The following CAPRIN2 variants were observed in gnomAD, a reference collection of about 807,000 sequenced individuals.
CAPRIN2 encodes the protein caprin-2.
Under a neutral mutation model 130.4 loss-of-function variants are expected in CAPRIN2, and 66 were observed. The observed-to-expected ratio is 0.51, with a 90% confidence interval of 0.42 to 0.62. The LOEUF (loss-of-function observed/expected upper bound fraction) is 0.62. Ranked by LOEUF, CAPRIN2 falls within the 20% of genes least tolerant of loss-of-function variation. CAPRIN2 has a pLI of 0.00. For synonymous variants in CAPRIN2, 471 were observed against 444.1 expected, an observed-to-expected ratio of 1.06 and a Z score of -0.76; for missense variants, 1,185 against 1,246.6, an observed-to-expected ratio of 0.95 and a Z score of 0.74.
intron 2 of CAPRIN2, among the ~76,000 whole-genome samples, chr12:30,748,632 C>T (rs1324333067): frequency 6.6e-6 from 1 of 152,098 alleles, no homozygotes; most frequent in East Asian, 1.9e-4. Flanking sequence ...CTGAGGTATG[C>T]CTATACTGGT....
chr12:30,721,326 T>G (rs1374380950), intron 11 of CAPRIN2, among the ~76,000 whole-genome samples: 1 of 149,554 alleles, frequency 6.7e-6, no homozygotes, highest in East Asian at 2.0e-4. Context: ...CGTTTAACAC[T>G]GTAGGCACAG....
chr12:30,730,401 T>C lies in CAPRIN2; in HGVS notation c.1061-119A>G, dbSNP rs2062266605. 3 of 698,198 alleles carry C rather than the reference T, an allele frequency of 4.3e-6. No homozygotes were observed. The South Asian group carries it at 5.5e-5, about 13-fold the overall frequency. 43.3% of individuals were successfully genotyped at this position (698,198 alleles called of 1,614,324 possible). A position where few individuals can be genotyped will look rare whatever the true frequency, so the allele number is the denominator to read the frequency against. On this transcript the variant is annotated intron_variant, in intron 6 of 16. Coordinates refer to ENST00000298892, the Ensembl canonical transcript of CAPRIN2. The stretch of plus-strand genomic sequence containing the variant: ...AAGACTCGTAACAGAAAAAGGGTAA[T>C]ATAATCAAGTATATTGATGGCAAGA...
At chr12:30,753,286 T>C (rs1217396018) in intron 1 of CAPRIN2, 58 bp downstream of exon 2, 2 of 1,418,082 alleles carry the variant, frequency 1.4e-6, no homozygotes, top group Non-Finnish European at 1.9e-6. Flanking sequence ...GAAAGAAAAA[T>C]GTCAGCTCCT....
intron 2 of CAPRIN2, among the ~76,000 whole-genome samples, chr12:30,748,113 C>G (rs2071634006): frequency 6.6e-6 from 1 of 152,152 alleles, no homozygotes; most frequent in Non-Finnish European, 1.5e-5. Context: ...GAAATGACAA[C>G]AAAACCTTTA....
chr12:30,731,541 A>G (rs1434276148), intron 5 of CAPRIN2, 31 bp from the exon 7 acceptor site: 10 of 1,565,900 alleles, frequency 6.4e-6, no homozygotes, highest in Non-Finnish European at 8.7e-6. Context: ...CTTAATTGTC[A>G]CATGACCTAA....
At chr12:30,738,248 T>C (rs146391744) in intron 3 of CAPRIN2, among the ~76,000 whole-genome samples, 403 of 151,946 alleles carry the variant, frequency 2.7e-3, no homozygotes, top group Non-Finnish European at 4.0e-3. Flanking sequence ...AAAAATAATT[T>C]CATGGATATT....
chr12:30,723,447 C>T (rs1243469800), intron 10 of CAPRIN2, 133 bp from the exon 12 acceptor site: 4 of 621,242 alleles, frequency 6.4e-6, no homozygotes, highest in Non-Finnish European at 1.1e-5. Context: ...GTTCATCATG[C>T]ACTTTCTATT....
chr12:30,713,960 G>A (rs1591923154), intron 14 of CAPRIN2, 75 bp from the exon 17 acceptor site: 2 of 795,772 alleles, frequency 2.5e-6, no homozygotes, highest in East Asian at 2.6e-5. Context: ...ATTCTATATT[G>A]CTTTAAAAGT....
At chr12:30,750,781 G>C (rs1318017640) in intron 2 of CAPRIN2, among the ~76,000 whole-genome samples, 1 of 152,090 alleles carries the variant, frequency 6.6e-6, no homozygotes, top group Admixed American at 6.5e-5. Context: ...AGTCCACTCT[G>C]GCACATAAGT....
chr12:30,746,928 C>G (rs1224133613), intron 2 of CAPRIN2, among the ~76,000 whole-genome samples: 1 of 152,206 alleles, frequency 6.6e-6, no homozygotes, highest in African/African-American at 2.4e-5. Flanking sequence ...ATGCAAGAGT[C>G]TCCTATTGGA....
rs111325394 is a variant in CAPRIN2 at position 30,710,600 on chromosome 12, T to C, written c.2666-130A>G. 2,004 of 1,357,816 alleles carry C rather than the reference T, an allele frequency of 1.5e-3. 15 individuals carry two copies. The African/African-American group carries it at 0.024, about 16-fold the overall frequency. The allele number at this position is 1,357,816 out of a possible 1,614,324, so 84.1% of individuals were successfully genotyped here. On this transcript the variant is annotated intron_variant, in intron 16 of 16. Transcript: ENST00000298892. The surrounding 1 kb of genome is among the most constrained non-coding windows in gnomAD (Gnocchi z 4.8). ...TAAATTCCAAAACAAAAGCAATATA[T>C]AGCTAGATTATACTTTTCTAGATTT...
chr12:30,736,832 C>G (rs2065055304), intron 3 of CAPRIN2, among the ~76,000 whole-genome samples: 1 of 152,116 alleles, frequency 6.6e-6, no homozygotes, highest in Non-Finnish European at 1.5e-5. Flanking sequence ...CCTAGCTCTC[C>G]AAAACACTGG....
chr12:30,727,101 T>G (rs2061181277), intron 8 of CAPRIN2, among the ~76,000 whole-genome samples: 2 of 152,212 alleles, frequency 1.3e-5, no homozygotes, highest in Admixed American at 1.3e-4. Context: ...ATGATAATAT[T>G]CTGGTATGAT....
exon 1 of CAPRIN2, chr12:30,753,515 C>T: frequency 6.2e-7 from 1 of 1,614,178 alleles, no homozygotes; most frequent in Non-Finnish European, 8.5e-7. Flanking sequence ...GCTTGGCTGA[C>T]TTCATATTCC....
At chr12:30,720,830 A>G in exon 12 of CAPRIN2, 1 of 1,611,026 alleles carries the variant, frequency 6.2e-7, no homozygotes, top group Non-Finnish European at 8.5e-7. Flanking sequence ...CTCTGAGGTC[A>G]TAAACTCTGT....
rs942338305 is a variant in CAPRIN2 at position 30,733,673 on chromosome 12, C to T, written c.848G>A (p.Trp283Ter). The T allele has an allele frequency of 6.2e-7, 1 of 1,613,382 alleles. No individual in the cohort carries two copies. Among genetic ancestry groups the T allele is most frequent in the Non-Finnish European group, 8.5e-7 (1 of 1,179,564 alleles). The change falls in exon 5 of 17, where the codon TGG becomes TAG. Residue 283 changes from tryptophan (W) to a stop codon, truncating the protein, a stop_gained. Coordinates refer to ENST00000298892, the Ensembl canonical transcript of CAPRIN2. LOFTEE classifies it high-confidence loss of function. The stretch of plus-strand genomic sequence containing the variant: ...TTTCTCACTACCTTCCAAAAGGTCC[C>T]AAAAGTACAAGGATGACTGCTCCAT...
chr12:30,720,943 T>C (rs772202346), intron 11 of CAPRIN2, 28 bp from the exon 13 acceptor site: 9 of 1,470,010 alleles, frequency 6.1e-6, no homozygotes, highest in Non-Finnish European at 8.6e-6. Context: ...CAAAATATTG[T>C]AAAAGGCACA....
intron 3 of CAPRIN2, among the ~76,000 whole-genome samples, chr12:30,740,288 A>G (rs1306269005): frequency 1.3e-5 from 2 of 151,728 alleles, no homozygotes; most frequent in Non-Finnish European, 2.9e-5. Context: ...ATAAAAAAAT[A>G]TAAATTTTTT....
intron 7 of CAPRIN2, 130 bp downstream of exon 8, chr12:30,730,109 C>T: frequency 1.5e-6 from 1 of 688,586 alleles, no homozygotes; most frequent in Non-Finnish European, 2.5e-6. Context: ...GCCCAAAGTC[C>T]CTAAGCTAGT....
Sources: gnomAD v4.1 joint callset for allele counts (sites outside exome capture counted in the v4.1 genomes callset) on GRCh38, gnomAD v4.1.1 for gene constraint, Gnocchi (gnomAD v3.1) non-coding constraint, MANE v1.5 for transcripts, NCBI Gene and HGNC (gene_info 2026-07-23, HGNC 2026-07-21) for gene names.